The following SPRY3 variants were observed in gnomAD, a reference collection of about 807,000 sequenced individuals.
The protein encoded by SPRY3 is protein sprouty homolog 3.
SPRY3 carries 15 observed loss-of-function variants against 20.2 expected under a neutral mutation model. That is an observed-to-expected ratio of 0.74 (90% CI 0.50 to 1.14). The LOEUF is 1.14. Ranked by LOEUF, SPRY3 falls within the 50% of genes most tolerant of loss-of-function variation. SPRY3 has a pLI of 0.00. For synonymous variants in SPRY3, 143 were observed against 136.5 expected (o/e 1.05, Z -0.33); for missense variants, 364 against 363.9 (o/e 1.00, Z 0.00).
intron 2 of SPRY3, among the ~76,000 whole-genome samples, chrX:155,745,657 C>T (rs1234418683): frequency 6.6e-6 from 1 of 151,996 alleles, no homozygotes; most frequent in African/African-American, 2.4e-5. Flanking sequence ...TTTCTTTAAC[C>T]TCATACAGAA....
chrX:155,766,657 C>T (rs960965317), intron 2 of SPRY3, among the ~76,000 whole-genome samples: 2 of 152,156 alleles, frequency 1.3e-5, no homozygotes, highest in Admixed American at 6.5e-5. Flanking sequence ...AAGAAAGATC[C>T]TTTCCTATTG....
At chrX:155,774,324 G>C (rs1054370299) in exon 4 of SPRY3, 17 of 1,613,904 alleles carry the variant, frequency 1.1e-5, no homozygotes, top group Non-Finnish European at 1.3e-5. Context: ...AGGAATGTGG[G>C]CGCTGCAAGT....
chrX:155,664,115 G>A (rs1435984639), intron 2 of SPRY3, among the ~76,000 whole-genome samples: 1 of 110,574 alleles, frequency 9.0e-6, no homozygotes, highest in Non-Finnish European at 1.9e-5. Flanking sequence ...ATTACAAAGT[G>A]TATAGAAATA....
intron 2 of SPRY3, among the ~76,000 whole-genome samples, chrX:155,724,217 G>T (rs971890229): frequency 6.6e-6 from 1 of 152,094 alleles, no homozygotes; most frequent in Non-Finnish European, 1.5e-5. Flanking sequence ...ATCAGGTAGC[G>T]TGATGCCTCC....
chrX:155,658,477 G>A (rs906535783), intron 2 of SPRY3, among the ~76,000 whole-genome samples: 5 of 111,676 alleles, frequency 4.5e-5, no homozygotes, highest in Non-Finnish European at 9.4e-5. Context: ...TTGATTTAGC[G>A]CTCTGCTTGA....
At chrX:155,778,682 T>C (rs939839811), downstream of SPRY3, 4 of 167,114 alleles carry the variant, frequency 2.4e-5, no homozygotes, top group African/African-American at 9.6e-5. Context: ...TAACACATTT[T>C]ACCAACAGCT....
chrX:155,659,477 A>G (rs1317636844), intron 2 of SPRY3, among the ~76,000 whole-genome samples: 1 of 110,790 alleles, frequency 9.0e-6, no homozygotes, highest in African/African-American at 3.3e-5. Flanking sequence ...ACCTATGTTC[A>G]TCAGGGATAT....
At chrX:155,673,121 A>C (rs1228858369) in intron 2 of SPRY3, among the ~76,000 whole-genome samples, 4 of 96,182 alleles carry the variant, frequency 4.2e-5, no homozygotes, top group Admixed American at 1.1e-4. Context: ...GCTAAATGAC[A>C]AGTTAATGGG....
At chrX:155,694,766 G>A (rs1440068341) in intron 2 of SPRY3, among the ~76,000 whole-genome samples, 1 of 111,123 alleles carries the variant, frequency 9.0e-6, no homozygotes, top group Non-Finnish European at 1.9e-5. Context: ...CCTCACATGC[G>A]CAGTTCACAA....
chrX:155,773,777 G>A lies in SPRY3; in HGVS notation c.-95G>A, dbSNP rs2091399479. The A allele has an allele frequency of 7.1e-7, 1 of 1,400,226 alleles. No individual in the cohort carries two copies. The allele number at this position is 1,400,226 out of a possible 1,614,324, so 86.7% of individuals were successfully genotyped here. The stretch of plus-strand genomic sequence containing the variant: ...GCCTTCTCTCCTAGGATTTTCTCAT[G>A]TGCCCTGAAATCCATGTAACTACAA... On this transcript the variant is annotated 5_prime_UTR_variant, in exon 4 of 4. In the 5' UTR this introduces an upstream ATG that the reference lacks. Transcript: ENST00000675360.
At chrX:155,671,065 C>T (rs1029313812) in intron 2 of SPRY3, among the ~76,000 whole-genome samples, 2 of 111,571 alleles carry the variant, frequency 1.8e-5, no homozygotes, top group Non-Finnish European at 3.8e-5. Context: ...CCTGCTGGAC[C>T]ACTGTAATCC....
chrX:155,616,553 C>T (rs1412966942), intron 1 of SPRY3, among the ~76,000 whole-genome samples: 6 of 110,858 alleles, frequency 5.4e-5, no homozygotes, highest in African/African-American at 2.0e-4. Flanking sequence ...AAAATAATCC[C>T]AAAAGTGCTC....
At chrX:155,745,701 C>A (rs956587347) in intron 2 of SPRY3, among the ~76,000 whole-genome samples, 1 of 152,044 alleles carries the variant, frequency 6.6e-6, no homozygotes, top group Non-Finnish European at 1.5e-5. Context: ...AAGTATTTAC[C>A]TCATAGGTTT....
At chrX:155,726,174 G>T (rs1039844934) in intron 2 of SPRY3, among the ~76,000 whole-genome samples, 1 of 152,118 alleles carries the variant, frequency 6.6e-6, no homozygotes, top group Non-Finnish European at 1.5e-5. Context: ...TTGCACTGTG[G>T]TCTGAGAAAC....
chrX:155,706,178 G>A (rs1178354743), intron 2 of SPRY3, among the ~76,000 whole-genome samples: 2 of 151,204 alleles, frequency 1.3e-5, no homozygotes, highest in Non-Finnish European at 3.0e-5. Context: ...TCAGATTGCA[G>A]TAGAATTAAA....
At chrX:155,774,320 G>T in exon 4 of SPRY3, 1 of 1,614,042 alleles carries the variant, frequency 6.2e-7, no homozygotes, top group Non-Finnish European at 8.5e-7. Flanking sequence ...TGTGAGGAAT[G>T]TGGGCGCTGC....
intron 2 of SPRY3, among the ~76,000 whole-genome samples, chrX:155,667,453 A>G (rs2068028116): frequency 9.0e-6 from 1 of 111,132 alleles, no homozygotes; most frequent in Non-Finnish European, 1.9e-5. Flanking sequence ...TAACTAGGAG[A>G]AAGGACAACC....
intron 2 of SPRY3, among the ~76,000 whole-genome samples, chrX:155,757,002 C>A (rs2091285950): frequency 2.0e-5 from 3 of 152,142 alleles, no homozygotes; most frequent in Non-Finnish European, 4.4e-5. Context: ...CTGCTTCCAA[C>A]ATAAACCCCT....
intron 2 of SPRY3, among the ~76,000 whole-genome samples, chrX:155,736,355 T>C (rs957701887): frequency 6.6e-6 from 1 of 151,950 alleles, no homozygotes; most frequent in African/African-American, 2.4e-5. Context: ...TCTTTTAACA[T>C]TTTTTTACAA....
Sources: gnomAD v4.1 joint callset for allele counts (sites outside exome capture counted in the v4.1 genomes callset) on GRCh38, gnomAD v4.1.1 for gene constraint, MANE v1.5 for transcripts, NCBI Gene and HGNC (gene_info 2026-07-23, HGNC 2026-07-21) for gene names.